Variants in ODAD2 observed in about 807,000 individuals in gnomAD.
The protein encoded by ODAD2 is outer dynein arm-docking complex subunit 2.
A neutral mutation model predicts 106.8 loss-of-function variants in ODAD2; 89 were observed. That is an observed-to-expected ratio of 0.83 (90% confidence interval 0.70 to 0.99). ODAD2 has a LOEUF of 0.99. Among genes scored for constraint, ODAD2 ranks in the 50% least tolerant of loss-of-function variants. ODAD2 has a pLI of 0.00. For missense variants in ODAD2, 1,168 were observed against 1,238.5 expected, an observed-to-expected ratio of 0.94 and a Z score of 0.85; for synonymous variants, 404 against 436.2, an observed-to-expected ratio of 0.93 and a Z score of 0.92.
chr10:27,922,932 A>G (rs986588700), intron 16 of ODAD2, among the ~76,000 whole-genome samples: 1 of 151,604 alleles, frequency 6.6e-6, no homozygotes, highest in Non-Finnish European at 1.5e-5. Context: ...ATAAAACAAA[A>G]ACAAACAAAC....
At chr10:27,875,386 C>T (rs1292574901) in intron 17 of ODAD2, among the ~76,000 whole-genome samples, 1 of 152,128 alleles carries the variant, frequency 6.6e-6, no homozygotes, top group African/African-American at 2.4e-5. Context: ...AGCTTTGTTC[C>T]GTTGCTGGAG....
chr10:27,880,379 T>C (rs1039348495), intron 17 of ODAD2, among the ~76,000 whole-genome samples: 5 of 152,214 alleles, frequency 3.3e-5, no homozygotes, highest in African/African-American at 1.2e-4. Flanking sequence ...TCTAAAAAAA[T>C]TCCTTTGGGA....
chr10:27,826,985 C>A (rs367662719), intron 19 of ODAD2, among the ~76,000 whole-genome samples: 4 of 152,114 alleles, frequency 2.6e-5, no homozygotes, highest in African/African-American at 9.7e-5. Context: ...TTCCTCACTT[C>A]TTATTCAAGG....
chr10:27,979,126 C>T (rs35535377), intron 7 of ODAD2, among the ~76,000 whole-genome samples: 3 of 150,416 alleles, frequency 2.0e-5, no homozygotes, highest in Non-Finnish European at 4.4e-5. Flanking sequence ...ACGAGAATCA[C>T]TTGAACCCGG....
intron 17 of ODAD2, among the ~76,000 whole-genome samples, chr10:27,871,162 A>G (rs1266288074): frequency 6.6e-6 from 1 of 152,146 alleles, no homozygotes. Flanking sequence ...TCCTTTGAGA[A>G]GTGTCTGTTC....
At chr10:27,987,720 A>G (rs190784347) in intron 2 of ODAD2, among the ~76,000 whole-genome samples, 177 bp from the exon 3 acceptor site, 101 of 152,104 alleles carry the variant, frequency 6.6e-4, no homozygotes, top group Non-Finnish European at 1.3e-3. Context: ...AAACTCTTAA[A>G]TCCTCAAACT....
At chr10:27,847,749 A>C (rs1414528198) in intron 19 of ODAD2, among the ~76,000 whole-genome samples, 1 of 152,156 alleles carries the variant, frequency 6.6e-6, no homozygotes, top group Non-Finnish European at 1.5e-5. Context: ...CAATGTGCAG[A>C]AATCACAAGC....
At chr10:27,819,574 TAAAAA>T (rs56031733) in intron 19 of ODAD2, among the ~76,000 whole-genome samples, 11 of 73,984 alleles carry the variant, frequency 1.5e-4, no homozygotes, top group Admixed American at 1.1e-3. Context: ...CCCTGTCTCT[TAAAAA>T]AAAAAAAAAA....
chr10:27,939,065 T>C (rs1564525271), intron 14 of ODAD2, among the ~76,000 whole-genome samples: 1 of 152,178 alleles, frequency 6.6e-6, no homozygotes, highest in South Asian at 2.1e-4. Flanking sequence ...TTTTCTGGTA[T>C]ACTATGAAAT....
At chr10:27,939,028 T>C (rs1171166665) in intron 14 of ODAD2, among the ~76,000 whole-genome samples, 2 of 152,148 alleles carry the variant, frequency 1.3e-5, no homozygotes, top group East Asian at 1.9e-4. Context: ...GTCAAGGCCA[T>C]TTTTCTCCCT....
chr10:27,855,831 T>C (rs1422484842), intron 19 of ODAD2, among the ~76,000 whole-genome samples: 1 of 152,188 alleles, frequency 6.6e-6, no homozygotes. Context: ...CTGATTGTAT[T>C]TGTCTGCAAT....
chr10:27,992,527 A>C (rs1272357064), intron 2 of ODAD2, among the ~76,000 whole-genome samples: 1 of 152,066 alleles, frequency 6.6e-6, no homozygotes, highest in Non-Finnish European at 1.5e-5. Flanking sequence ...TGTCTCTACA[A>C]AAAAATAGAA....
chr10:27,953,945 G>T (rs1338864700), intron 10 of ODAD2, among the ~76,000 whole-genome samples: 4 of 152,176 alleles, frequency 2.6e-5, no homozygotes, highest in Non-Finnish European at 5.9e-5. Context: ...GGGAGCAAGA[G>T]CTGGGAAGAA....
chr10:27,993,976 G>A (rs200806071), intron 2 of ODAD2, among the ~76,000 whole-genome samples: 7,385 of 115,734 alleles, frequency 0.064, 257 homozygotes, highest in African/African-American at 0.11. Context: ...ATATATATAT[G>A]TGTGTGTGTG....
At position 27,818,858 on chromosome 10, in the gene ODAD2, G is replaced by A. The variant is rs111896434; in HGVS notation, c.3022-6233C>T. Among the ~76,000 whole-genome samples, 1,356 of 152,198 alleles carry A rather than the reference G, an allele frequency of 8.9e-3. 18 individuals carry two copies. The highest frequency in any genetic ancestry group is 0.03 in the African/African-American group (1,257 of 41,526). ...AGAAGGAATCTAGATGCCTTATACT[G>A]TTCACTCCTTCCTAGAAAAATCACT... is the stretch of plus-strand genomic sequence containing the variant. On this transcript the variant is annotated intron_variant, in intron 19 of 19. Coordinates refer to ENST00000305242, the MANE Select transcript of ODAD2 (RefSeq NM_018076.5).
chr10:27,951,689 G>A (rs889295794), intron 10 of ODAD2, among the ~76,000 whole-genome samples: 19 of 151,532 alleles, frequency 1.3e-4, no homozygotes, highest in Admixed American at 8.5e-4. Context: ...CATTTAGAAT[G>A]GCTTCAGAAA....
At chr10:27,814,726 G>C (rs1364092862) in intron 19 of ODAD2, among the ~76,000 whole-genome samples, 1 of 152,158 alleles carries the variant, frequency 6.6e-6, no homozygotes, top group Non-Finnish European at 1.5e-5. Context: ...AGATTGCATA[G>C]TCCGTCTTTT....
chr10:27,885,211 C>T (rs186621323), intron 17 of ODAD2, among the ~76,000 whole-genome samples: 9 of 150,930 alleles, frequency 6.0e-5, no homozygotes, highest in Admixed American at 6.0e-4. Flanking sequence ...AGAATATAAA[C>T]AAGGAGACAG....
chr10:27,988,143 A>C (rs1479891130), intron 2 of ODAD2, among the ~76,000 whole-genome samples: 2 of 151,508 alleles, frequency 1.3e-5, no homozygotes, highest in East Asian at 3.9e-4. Context: ...AAAGTTATTG[A>C]GTCTCCTAGC....
Sources: gnomAD v4.1 joint callset for allele counts (sites outside exome capture counted in the v4.1 genomes callset) on GRCh38, gnomAD v4.1.1 for gene constraint, MANE v1.5 for transcripts, NCBI Gene and HGNC (gene_info 2026-07-23, HGNC 2026-07-21) for gene names.